The following PCDHGB2 variants were observed in gnomAD, a reference collection of about 807,000 sequenced individuals.
The protein encoded by PCDHGB2 is protocadherin gamma subfamily B, 2.
Under a neutral mutation model 59.3 loss-of-function variants are expected in PCDHGB2, and 55 were observed. The observed-to-expected ratio is 0.93, with a 90% confidence interval of 0.75 to 1.16. The LOEUF is 1.16. Ranked by LOEUF, PCDHGB2 falls within the 50% of genes most tolerant of loss-of-function variation. PCDHGB2 has a pLI of 0.00. For synonymous variants in PCDHGB2, 516 were observed against 512.0 expected (o/e 1.01, Z -0.11); for missense variants, 1,228 against 1,198.5 (o/e 1.02, Z -0.36).
intron 1 of PCDHGB2, among the ~76,000 whole-genome samples, chr5:141,446,610 G>A (rs1167777615): frequency 6.6e-6 from 1 of 152,098 alleles, no homozygotes; most frequent in Non-Finnish European, 1.5e-5. Flanking sequence ...CTGAGTAGCT[G>A]GGACTACAGG....
At chr5:141,394,060 C>A (rs1437765710) in intron 1 of PCDHGB2, 9 of 1,613,662 alleles carry the variant, frequency 5.6e-6, no homozygotes, top group African/African-American at 4.0e-5. Context: ...GAAAATGTCT[C>A]TATCTACAAT....
intron 1 of PCDHGB2, chr5:141,399,668 G>A (rs756009874): frequency 1.7e-5 from 28 of 1,613,644 alleles, no homozygotes; most frequent in Non-Finnish European, 8.5e-7. Flanking sequence ...TTCGCGCAGC[G>A]CGCCTTTGAC....
intron 1 of PCDHGB2, chr5:141,388,783 C>A: frequency 3.1e-6 from 5 of 1,613,818 alleles, no homozygotes; most frequent in South Asian, 1.1e-5. Context: ...GGGGAAATTA[C>A]TGTTTTAAAT....
rs1236813956 is a variant in PCDHGB2, at chr5:141,480,634, TTTCAAAC to T, written c.2422-14170_2422-14164del. On this transcript the variant is annotated intron_variant, in intron 1 of 3. Transcript: ENST00000522605. The stretch of plus-strand genomic sequence containing the variant: ...ACTGGCATTTTCCCTAGAACAATGT[TTTCAAAC>T]TTGGTTGCACATTAAAATCACCTAG... Among the ~76,000 whole-genome samples the T allele has an allele frequency of 3.9e-5, 6 of 152,332 alleles. No individual in the cohort carries two copies. In the East Asian group the frequency reaches 1.2e-3, roughly 29 times the overall value.
At chr5:141,413,449 G>T in intron 1 of PCDHGB2, 2 of 1,614,120 alleles carry the variant, frequency 1.2e-6, no homozygotes, top group South Asian at 2.2e-5. Context: ...GATCACCGCG[G>T]GCAGGATAGA....
intron 1 of PCDHGB2, among the ~76,000 whole-genome samples, chr5:141,386,313 A>G (rs2090530914): frequency 6.6e-6 from 1 of 152,156 alleles, no homozygotes; most frequent in Non-Finnish European, 1.5e-5. Context: ...TCAGTATATC[A>G]AGTGATTGTC....
chr5:141,477,890 C>A lies in PCDHGB2; in HGVS notation c.2422-16917C>A, dbSNP rs202114426. On this transcript the variant is annotated intron_variant, in intron 1 of 3. Transcript: ENST00000522605. This position sits in a 1 kb window ranked among gnomAD's most constrained non-coding sequence, Gnocchi z 4.9. ...TACCTCAGCTGGCCACCTAGTGTCA[C>A]GGGTGGTAGGCTGGGACGCGGATGC... is the stretch of plus-strand genomic sequence containing the variant. 3.1e-6 allele frequency: 5 copies of A among 1,614,204 alleles called. 1 individual carries two copies. In the Admixed American group the frequency reaches 8.3e-5, roughly 27 times the overall value.
chr5:141,383,797 G>T, intron 1 of PCDHGB2: 1 of 1,613,962 alleles, frequency 6.2e-7, no homozygotes. Flanking sequence ...GCTTACAGGA[G>T]AAATATCAAC....
chr5:141,393,853 T>A, intron 1 of PCDHGB2: 1 of 1,613,992 alleles, frequency 6.2e-7, no homozygotes, highest in Admixed American at 1.7e-5. Context: ...AGACCAGAAG[T>A]GATCATTACG....
chr5:141,483,501 G>A (rs1022338958), intron 1 of PCDHGB2, among the ~76,000 whole-genome samples: 2 of 150,394 alleles, frequency 1.3e-5, no homozygotes, highest in Admixed American at 1.3e-4. Context: ...ATGAGTCAAG[G>A]CTGATCCCCC....
chr5:141,407,656 C>T (rs1333500318), intron 1 of PCDHGB2, among the ~76,000 whole-genome samples: 1 of 151,756 alleles, frequency 6.6e-6, no homozygotes, highest in Admixed American at 6.6e-5. Flanking sequence ...TGGGGGAGCG[C>T]AGTATATATT....
At chr5:141,394,219 C>T (rs1355390708) in intron 1 of PCDHGB2, 1 of 1,613,786 alleles carries the variant, frequency 6.2e-7, no homozygotes, top group Non-Finnish European at 8.5e-7. Context: ...CTGAGAGGAG[C>T]CTCCATCTTT....
At chr5:141,419,576 G>A (rs958064613) in intron 1 of PCDHGB2, 10 of 1,611,766 alleles carry the variant, frequency 6.2e-6, no homozygotes, top group Non-Finnish European at 6.8e-6. Flanking sequence ...CGACGGCTCC[G>A]CGCTCTTCGA....
chr5:141,379,340 TC>T (rs1433489240), intron 1 of PCDHGB2: 1 of 152,232 alleles, frequency 6.6e-6, no homozygotes, highest in Non-Finnish European at 1.5e-5. Flanking sequence ...TCTTCAAAGC[TC>T]ATTTTCTTGT....
chr5:141,510,553 A>C (rs1471878583), intron 3 of PCDHGB2, among the ~76,000 whole-genome samples: 1 of 152,162 alleles, frequency 6.6e-6, no homozygotes, highest in African/African-American at 2.4e-5. Context: ...TGTTTTGAGC[A>C]CTTACATCTA....
At chr5:141,410,191 C>T in intron 1 of PCDHGB2, 1 of 1,613,994 alleles carries the variant, frequency 6.2e-7, no homozygotes, top group Non-Finnish European at 8.5e-7. Context: ...TTCATCTGGT[C>T]TTCGCAGACA....
intron 1 of PCDHGB2, among the ~76,000 whole-genome samples, chr5:141,381,220 G>C (rs912985270): frequency 6.6e-6 from 1 of 152,190 alleles, no homozygotes; most frequent in African/African-American, 2.4e-5. Context: ...TCTCCTCCTG[G>C]TTCCACCAAC....
At chr5:141,430,948 A>C (rs753305931) in intron 1 of PCDHGB2, 47 of 1,609,938 alleles carry the variant, frequency 2.9e-5, no homozygotes, top group Non-Finnish European at 4.0e-5. Context: ...CGGAGCGCGG[A>C]GTCCGCATCA....
intron 1 of PCDHGB2, chr5:141,385,445 T>A (rs2150293072): frequency 1.4e-6 from 2 of 1,450,040 alleles, no homozygotes; most frequent in Non-Finnish European, 1.8e-6. Context: ...TAAAAATGAG[T>A]TTACCAGTTT....
Sources: gnomAD v4.1 joint callset for allele counts (sites outside exome capture counted in the v4.1 genomes callset) on GRCh38, gnomAD v4.1.1 for gene constraint, Gnocchi (gnomAD v3.1) non-coding constraint, MANE v1.5 for transcripts, NCBI Gene and HGNC (gene_info 2026-07-23, HGNC 2026-07-21) for gene names.